AFF1: variants seen among roughly 807,000 people sequenced by gnomAD.
The protein encoded by AFF1 is ALF transcription elongation factor 1.
Under a neutral mutation model 121.7 loss-of-function variants are expected in AFF1, and 48 were observed. That is an observed-to-expected ratio of 0.39 (90% CI 0.31 to 0.50). The LOEUF (loss-of-function observed/expected upper bound fraction) is 0.50. Ranked by LOEUF, AFF1 falls within the 20% of genes least tolerant of loss-of-function variation. The pLI, the probability that AFF1 is intolerant of heterozygous loss-of-function variation, is 0.76. For missense variants in AFF1, 1,523 were observed against 1,511.7 expected (o/e 1.01, Z -0.12); for synonymous variants, 613 against 563.0 (o/e 1.09, Z -1.26).
intron 6 of AFF1, among the ~76,000 whole-genome samples, chr4:87,091,391 G>A (rs186093441): frequency 3.9e-5 from 6 of 152,272 alleles, no homozygotes; most frequent in Non-Finnish European, 7.4e-5. Context: ...GTAACAAAGC[G>A]AGACTCCGTC....
chr4:86,978,577 C>G (rs1326717220), intron 2 of AFF1, among the ~76,000 whole-genome samples: 3 of 152,098 alleles, frequency 2.0e-5, no homozygotes, highest in African/African-American at 7.2e-5. Context: ...GGGTCTTGCT[C>G]TGTTGCCCAA....
At position 87,043,841 on chromosome 4, in the gene AFF1, C is replaced by T. The variant is rs139108872; in HGVS notation, c.39-2325C>T. On this transcript the variant is annotated intron_variant, in intron 2 of 20. Transcript: ENST00000395146. ...TCTTTCTTTCTTTTTTTTTTTGAGA[C>T]GGAGTCTCGCGCTGTTGCCCCGGCT... Among the ~76,000 whole-genome samples the T allele has an allele frequency of 4.0e-3, 598 of 150,516 alleles. 1 individual carries two copies. The highest frequency in any genetic ancestry group is 0.014 in the African/African-American group (555 of 40,852).
intron 11 of AFF1, among the ~76,000 whole-genome samples, chr4:87,113,325 C>T (rs1726747480): frequency 6.6e-6 from 1 of 152,140 alleles, no homozygotes; most frequent in South Asian, 2.1e-4. Flanking sequence ...ACTCTGTCAC[C>T]TAAGCTGGAG....
At chr4:87,055,749 G>T (rs971961872) in intron 4 of AFF1, among the ~76,000 whole-genome samples, 2 of 152,150 alleles carry the variant, frequency 1.3e-5, no homozygotes, top group Non-Finnish European at 2.9e-5. Context: ...TGGCTGTTTT[G>T]GTGGGGGTGA....
At chr4:87,008,618 GTGT>G (rs1726411744) in intron 2 of AFF1, among the ~76,000 whole-genome samples, 1 of 81,098 alleles carries the variant, frequency 1.2e-5, no homozygotes, top group South Asian at 8.9e-4. Context: ...CTGAAATTTA[GTGT>G]TTTTTTTTTT....
chr4:87,092,268 A>G (rs1041796589), intron 7 of AFF1, among the ~76,000 whole-genome samples: 9 of 152,174 alleles, frequency 5.9e-5, no homozygotes, highest in African/African-American at 1.4e-4. Flanking sequence ...GGGAGACAGC[A>G]CAGATCCTGT....
intron 2 of AFF1, among the ~76,000 whole-genome samples, chr4:86,956,984 T>A (rs1721787604): frequency 6.6e-6 from 1 of 152,132 alleles, no homozygotes; most frequent in Admixed American, 6.5e-5. Context: ...GTGCCTGGGG[T>A]CACTTTTGTT....
intron 2 of AFF1, among the ~76,000 whole-genome samples, chr4:87,013,466 T>C (rs1046193522): frequency 6.6e-6 from 1 of 152,060 alleles, no homozygotes; most frequent in Non-Finnish European, 1.5e-5. Flanking sequence ...AAGGGTAAAA[T>C]ATTTTTATTG....
Position 87,125,209 on chromosome 4 carries a change from A to G in AFF1, c.2573+66A>G, listed in dbSNP as rs1156854962. ...AACACTTCTTGGGTCTTGACATAGC[A>G]AAGAAATTTTTCTTCTGCACTAGAA... is the stretch of plus-strand genomic sequence containing the variant. On this transcript the variant is annotated intron_variant, in intron 13 of 20. Coordinates refer to ENST00000395146, the MANE Select transcript of AFF1 (RefSeq NM_001166693.3). 15 of 1,241,822 alleles carry G rather than the reference A, an allele frequency of 1.2e-5. No individual in the cohort carries two copies. The East Asian group carries it at 3.6e-4, about 30-fold the overall frequency. 76.9% of individuals were successfully genotyped at this position (1,241,822 alleles called of 1,614,324 possible). A position where few individuals can be genotyped will look rare whatever the true frequency, so the allele number is the denominator to read the frequency against.
chr4:86,974,477 CTTAAACTTT>C (rs138258862), intron 2 of AFF1, among the ~76,000 whole-genome samples: 5,424 of 152,188 alleles, frequency 0.036, 295 homozygotes, highest in African/African-American at 0.12. Flanking sequence ...TTTTATCCTT[CTTAAACTTT>C]TTAGTTTGTT....
In AFF1 at chr4:86,935,098, C is replaced by T. The variant is rs1406223631; in HGVS notation, c.-179C>T. On this transcript the variant is annotated 5_prime_UTR_variant, in exon 1 of 21. Transcript: ENST00000395146. ...TGCGGCCGCAGCTGCACCTTTGCCT[C>T]CGCGGTTCCGCAGCCGAGCCCCGGG... 2 of 152,206 alleles carry T rather than the reference C, an allele frequency of 1.3e-5. No homozygotes were observed. The highest frequency in any genetic ancestry group is 1.9e-4 in the East Asian group (1 of 5,194). The allele number at this position is 152,206 out of a possible 1,614,324, so 9.4% of individuals were successfully genotyped here.
At chr4:87,070,646 A>T (rs995162992) in intron 4 of AFF1, among the ~76,000 whole-genome samples, 1 of 152,274 alleles carries the variant, frequency 6.6e-6, no homozygotes, top group African/African-American at 2.4e-5. Context: ...AGAAACTTAC[A>T]ATTTAAGTCA....
intron 12 of AFF1, among the ~76,000 whole-genome samples, chr4:87,124,665 ATTATT>A (rs963048555): frequency 6.6e-6 from 1 of 152,224 alleles, no homozygotes; most frequent in African/African-American, 2.4e-5. Context: ...TCATCTCTGT[ATTATT>A]TGATGTAAAT....
chr4:86,978,177 CTTTTTT>C (rs10676975), intron 2 of AFF1, among the ~76,000 whole-genome samples: 46 of 39,336 alleles, frequency 1.2e-3, no homozygotes, highest in East Asian at 9.9e-3. Flanking sequence ...ATTACATTCA[CTTTTTT>C]TTTTTTTTTT....
intron 2 of AFF1, among the ~76,000 whole-genome samples, chr4:87,037,594 T>G (rs895893757): frequency 3.3e-5 from 5 of 152,162 alleles, no homozygotes; most frequent in Non-Finnish European, 7.4e-5. Context: ...ATTACAGGCA[T>G]GAACCACTGC....
chr4:87,032,458 C>T (rs1350566023), intron 2 of AFF1, among the ~76,000 whole-genome samples: 2 of 152,156 alleles, frequency 1.3e-5, no homozygotes, highest in Non-Finnish European at 2.9e-5. Context: ...TAAACAAAAG[C>T]GCTGATGGTT....
chr4:87,115,447 A>C, intron 12 of AFF1, 148 bp downstream of exon 12: 1 of 844,970 alleles, frequency 1.2e-6, no homozygotes, highest in Non-Finnish European at 1.8e-6. Context: ...ATCTTCTTCC[A>C]GCATTACCTG....
chr4:87,089,214 G>T (rs1333955219), intron 5 of AFF1, among the ~76,000 whole-genome samples: 1 of 152,098 alleles, frequency 6.6e-6, no homozygotes, highest in Non-Finnish European at 1.5e-5. Flanking sequence ...TTAGAAAAGT[G>T]TGTTTGTGTG....
chr4:87,127,787 C>A, intron 16 of AFF1, 84 bp downstream of exon 16: 1 of 1,363,520 alleles, frequency 7.3e-7, no homozygotes, highest in Non-Finnish European at 1.0e-6. Flanking sequence ...TGCTGTATTC[C>A]ATATCACTCA....
Sources: allele counts gnomAD v4.1 joint callset (sites outside exome capture counted in the v4.1 genomes callset), GRCh38; gene constraint gnomAD v4.1.1; transcripts MANE v1.5; gene names NCBI Gene and HGNC (gene_info 2026-07-23, HGNC 2026-07-21).